Variants in CSMD1 observed in about 807,000 individuals in gnomAD.
CSMD1 encodes the protein CUB and Sushi multiple domains 1.
Under a neutral mutation model 417.5 loss-of-function variants are expected in CSMD1, and 213 were observed. The observed-to-expected ratio is 0.51, with a 90% CI of 0.46 to 0.57. The LOEUF (loss-of-function observed/expected upper bound fraction) is 0.57, where lower values mean the gene tolerates loss of function less well. Ranked by LOEUF, CSMD1 falls within the 20% of genes least tolerant of loss-of-function variation. The pLI, the probability that CSMD1 is intolerant of heterozygous loss-of-function variation, is 0.00. For missense variants in CSMD1, 6,923 were observed against 4,529.7 expected (o/e 1.53, Z -15.17); for synonymous variants, 2,862 against 1,736.8 (o/e 1.65, Z -16.11).
intron 26 of CSMD1, among the ~76,000 whole-genome samples, chr8:3,234,995 T>C (rs888272430): frequency 1.3e-5 from 2 of 152,222 alleles, no homozygotes; most frequent in Non-Finnish European, 2.9e-5. Context: ...GAACTTCCCA[T>C]CTTCAAAGGA....
intron 5 of CSMD1, among the ~76,000 whole-genome samples, chr8:3,838,812 A>T (rs1356960409): frequency 9.5e-6 from 1 of 104,836 alleles, no homozygotes; most frequent in Non-Finnish European, 1.8e-5. Context: ...TATAATAATT[A>T]TATATACTAT....
At chr8:3,656,611 G>A (rs1798123539) in intron 7 of CSMD1, among the ~76,000 whole-genome samples, 1 of 152,112 alleles carries the variant, frequency 6.6e-6, no homozygotes, top group African/African-American at 2.4e-5. Context: ...TTTCTTCCTT[G>A]CTGGTGCAGC....
intron 1 of CSMD1, among the ~76,000 whole-genome samples, chr8:4,708,267 T>G (rs1325671332): frequency 6.6e-6 from 1 of 152,190 alleles, no homozygotes; most frequent in Admixed American, 6.5e-5. Context: ...TGACTCTTGA[T>G]TCCCTTCAGA....
chr8:2,959,959 T>C (rs758945673), intron 62 of CSMD1, among the ~76,000 whole-genome samples: 1 of 152,196 alleles, frequency 6.6e-6, no homozygotes, highest in Non-Finnish European at 1.5e-5. Context: ...TAATTTGTTA[T>C]AAGGAGGGTG....
At chr8:3,083,411 A>C (rs1814251951) in intron 49 of CSMD1, among the ~76,000 whole-genome samples, 1 of 151,214 alleles carries the variant, frequency 6.6e-6, no homozygotes, top group Non-Finnish European at 1.5e-5. Flanking sequence ...CTTCTTTTTA[A>C]AGTATTTCAG....
intron 5 of CSMD1, among the ~76,000 whole-genome samples, chr8:3,919,374 C>G (rs572915849): frequency 6.6e-6 from 1 of 151,984 alleles, no homozygotes; most frequent in Non-Finnish European, 1.5e-5. Flanking sequence ...TTGTCTCAAT[C>G]TCATGTGTTG....
intron 5 of CSMD1, among the ~76,000 whole-genome samples, chr8:3,946,943 T>C (rs1238438070): frequency 6.6e-6 from 1 of 152,214 alleles, no homozygotes; most frequent in Non-Finnish European, 1.5e-5. Context: ...GTAACTTTTG[T>C]ATAGATTTAA....
At chr8:3,776,922 C>T (rs1798923236) in intron 5 of CSMD1, among the ~76,000 whole-genome samples, 1 of 151,478 alleles carries the variant, frequency 6.6e-6, no homozygotes, top group Admixed American at 6.6e-5. Context: ...ACCATGTTGC[C>T]CAGCCTGGTC....
intron 3 of CSMD1, among the ~76,000 whole-genome samples, chr8:4,361,964 C>T (rs534983520): frequency 6.7e-6 from 1 of 150,130 alleles, no homozygotes; most frequent in African/African-American, 2.4e-5. Flanking sequence ...GACTCCATCT[C>T]AAAATAAATA....
At chr8:4,925,706 A>C (rs1170646082) in intron 1 of CSMD1, among the ~76,000 whole-genome samples, 5 of 151,882 alleles carry the variant, frequency 3.3e-5, no homozygotes, top group South Asian at 2.1e-4. Context: ...GCCACCACGC[A>C]GGGCTAATTT....
chr8:4,419,830 A>C (rs1341455728), intron 3 of CSMD1, 123 bp downstream of exon 3: 3 of 639,328 alleles, frequency 4.7e-6, no homozygotes, highest in South Asian at 1.8e-5. Context: ...CACAGAAGCC[A>C]AATGTCTACA....
At chr8:4,388,931 T>C (rs1803654289) in intron 3 of CSMD1, among the ~76,000 whole-genome samples, 1 of 152,180 alleles carries the variant, frequency 6.6e-6, no homozygotes. Context: ...ACTAATGCTT[T>C]GAAAACCTGT....
chr8:3,987,324 C>T (rs1814410109), intron 5 of CSMD1, among the ~76,000 whole-genome samples: 1 of 152,216 alleles, frequency 6.6e-6, no homozygotes, highest in Admixed American at 6.5e-5. Flanking sequence ...TTTCTTTCTC[C>T]TCCAAGTACC....
At chr8:3,932,711 C>A (rs574106638) in intron 5 of CSMD1, among the ~76,000 whole-genome samples, 2 of 150,512 alleles carry the variant, frequency 1.3e-5, no homozygotes, top group African/African-American at 4.9e-5. Context: ...GTGGTGGACT[C>A]TAATGTTAAT....
intron 17 of CSMD1, among the ~76,000 whole-genome samples, chr8:3,393,514 T>C (rs1811472241): frequency 6.6e-6 from 1 of 152,156 alleles, no homozygotes; most frequent in African/African-American, 2.4e-5. Flanking sequence ...GTTGGCTGCA[T>C]AAATGTCTTC....
At chr8:3,912,810 G>A (rs1031133549) in intron 5 of CSMD1, among the ~76,000 whole-genome samples, 14 of 152,334 alleles carry the variant, frequency 9.2e-5, no homozygotes, top group African/African-American at 2.6e-4. Context: ...AGTAAACATG[G>A]TAGGATTTTA....
At chr8:3,992,423 A>T (rs1248885858) in intron 5 of CSMD1, among the ~76,000 whole-genome samples, 1 of 152,316 alleles carries the variant, frequency 6.6e-6, no homozygotes, top group East Asian at 1.9e-4. Context: ...GTTAAAACAA[A>T]AATAAGTGTT....
At chr8:3,416,274 G>C (rs1813143071) in intron 12 of CSMD1, among the ~76,000 whole-genome samples, 3 of 123,848 alleles carry the variant, frequency 2.4e-5, no homozygotes, top group South Asian at 5.2e-4. Flanking sequence ...CTGCACTCCA[G>C]CCTGAGCCAC....
At chr8:4,697,465 T>G (rs552818303) in intron 1 of CSMD1, among the ~76,000 whole-genome samples, 25 of 152,128 alleles carry the variant, frequency 1.6e-4, no homozygotes, top group Non-Finnish European at 1.9e-4. Flanking sequence ...ACGTAAAAAA[T>G]TTGGCAGCTA....
Sources: gnomAD v4.1 joint callset for allele counts (sites outside exome capture counted in the v4.1 genomes callset) on GRCh38, gnomAD v4.1.1 for gene constraint, MANE v1.5 for transcripts, NCBI Gene and HGNC (gene_info 2026-07-23, HGNC 2026-07-21) for gene names.